The following PKIB variants were observed in gnomAD, a reference collection of about 807,000 sequenced individuals.
PKIB encodes the protein cAMP-dependent protein kinase inhibitor beta, also known as PKI-beta.
A neutral mutation model predicts 4.5 loss-of-function variants in PKIB; 2 were observed. The observed-to-expected ratio is 0.44, with a 90% confidence interval of 0.18 to 1.39. PKIB has a LOEUF of 1.39. PKIB is among the 40% of genes most tolerant of loss of function. PKIB has a pLI of 0.27. For missense variants in PKIB, 94 were observed against 92.6 expected (o/e 1.02, Z -0.06); for synonymous variants, 38 against 36.0 (o/e 1.06, Z -0.20).
At chr6:122,699,114 A>G (rs1032420758) in intron 3 of PKIB, among the ~76,000 whole-genome samples, 2 of 152,162 alleles carry the variant, frequency 1.3e-5, no homozygotes, top group African/African-American at 4.8e-5. Context: ...GACTGTGTGC[A>G]GTAGCAAGGC....
At chr6:122,690,265 T>C (rs1418371675) in intron 3 of PKIB, among the ~76,000 whole-genome samples, 1 of 152,102 alleles carries the variant, frequency 6.6e-6, no homozygotes, top group African/African-American at 2.4e-5. Flanking sequence ...ATGTTACTAT[T>C]GATAGGTAAG....
At chr6:122,687,135 A>G (rs1415996926) in intron 3 of PKIB, among the ~76,000 whole-genome samples, 1 of 152,044 alleles carries the variant, frequency 6.6e-6, no homozygotes, top group East Asian at 1.9e-4. Context: ...TTTTGGTTTG[A>G]TTTTTGTGTA....
At chr6:122,696,466 A>G (rs983504890) in intron 3 of PKIB, among the ~76,000 whole-genome samples, 6 of 152,218 alleles carry the variant, frequency 3.9e-5, no homozygotes, top group African/African-American at 1.4e-4. Flanking sequence ...AAAGAGGACT[A>G]TCCCTCACTT....
chr6:122,558,933 A>G (rs189820510), intron 2 of PKIB, among the ~76,000 whole-genome samples: 13 of 152,204 alleles, frequency 8.5e-5, no homozygotes, highest in Admixed American at 5.9e-4. Context: ...CCCAAAGTCC[A>G]TTGTATCATT....
intron 2 of PKIB, among the ~76,000 whole-genome samples, chr6:122,665,255 C>T (rs536883314): frequency 2.0e-5 from 3 of 152,274 alleles, no homozygotes; most frequent in South Asian, 4.1e-4. Context: ...GAGCAAAATA[C>T]GAAACCTTAA....
At chr6:122,714,304 C>T (rs1779392527) in intron 3 of PKIB, among the ~76,000 whole-genome samples, 1 of 152,176 alleles carries the variant, frequency 6.6e-6, no homozygotes, top group African/African-American at 2.4e-5. Flanking sequence ...AAGATTGTGC[C>T]AAATGTGAGT....
intron 3 of PKIB, among the ~76,000 whole-genome samples, chr6:122,681,372 A>G (rs1582806819): frequency 1.3e-5 from 2 of 152,214 alleles, no homozygotes; most frequent in African/African-American, 4.8e-5. Context: ...TTTATATTTG[A>G]TCATTTGGTA....
intron 2 of PKIB, among the ~76,000 whole-genome samples, chr6:122,498,106 T>C (rs1387242015): frequency 1.3e-5 from 2 of 152,214 alleles, no homozygotes; most frequent in Admixed American, 1.3e-4. Context: ...AACTTGCTCC[T>C]GAATGCTGTA....
At chr6:122,674,875 G>A (rs1383740247) in intron 2 of PKIB, among the ~76,000 whole-genome samples, 2 of 152,066 alleles carry the variant, frequency 1.3e-5, no homozygotes, top group East Asian at 1.9e-4. Flanking sequence ...ACTAATAACT[G>A]TTATTTGAAA....
At chr6:122,644,683 A>T (rs1288759573) in intron 2 of PKIB, 1 of 152,230 alleles carries the variant, frequency 6.6e-6, no homozygotes, top group Non-Finnish European at 1.5e-5. Flanking sequence ...GTCTACAAAC[A>T]GTACTTTGAG....
chr6:122,511,092 C>T (rs1178376180), intron 2 of PKIB, among the ~76,000 whole-genome samples: 2 of 152,182 alleles, frequency 1.3e-5, no homozygotes, highest in African/African-American at 4.8e-5. Context: ...ACTCCTTTCT[C>T]TCCTCCTGTG....
At chr6:122,561,994 G>GTTTTTTTGTTT (rs1773031531) in intron 2 of PKIB, among the ~76,000 whole-genome samples, 1 of 40,904 alleles carries the variant, frequency 2.4e-5, no homozygotes, top group East Asian at 8.7e-4. Context: ...GTTTGTTTTT[G>GTTTTTTTGTTT]TTTTTTTTTG....
Position 122,553,865 on chromosome 6 carries a change from C to T in PKIB, c.-247-32056C>T, listed in dbSNP as rs554474458. On this transcript the variant is annotated intron_variant, in intron 2 of 6. Coordinates refer to the PKIB transcript ENST00000392491. ...ATTTTCACTCCTGTCACCACAAATA[C>T]GACTGCACCACCCTGCTATTTCAAA... Among the ~76,000 whole-genome samples, 39 of 152,250 alleles carry T rather than the reference C, an allele frequency of 2.6e-4. No individual in the cohort carries two copies. The East Asian group carries it at 5.8e-3, about 23-fold the overall frequency.
At chr6:122,695,002 C>T (rs368266684) in intron 3 of PKIB, among the ~76,000 whole-genome samples, 2 of 152,142 alleles carry the variant, frequency 1.3e-5, no homozygotes, top group African/African-American at 4.8e-5. Flanking sequence ...AGGGTTCCTA[C>T]GCTGCATTCT....
intron 2 of PKIB, chr6:122,478,214 T>C (rs1296184032): frequency 1.3e-5 from 2 of 152,184 alleles, no homozygotes; most frequent in Non-Finnish European, 2.9e-5. Context: ...CAGATGAAGC[T>C]TATGAGCCAA....
chr6:122,676,779 A>T (rs2114961285), intron 3 of PKIB, among the ~76,000 whole-genome samples: 1 of 152,342 alleles, frequency 6.6e-6, no homozygotes, highest in East Asian at 1.9e-4. Context: ...TTTAATGAAA[A>T]GGTGCATTAA....
At chr6:122,544,252 C>T (rs969052042) in intron 2 of PKIB, among the ~76,000 whole-genome samples, 1 of 151,846 alleles carries the variant, frequency 6.6e-6, no homozygotes, top group Admixed American at 6.6e-5. Context: ...GATATTAAAG[C>T]ATTCAAACTA....
At chr6:122,710,529 A>G (rs1433880698) in intron 3 of PKIB, among the ~76,000 whole-genome samples, 1 of 152,206 alleles carries the variant, frequency 6.6e-6, no homozygotes, top group Non-Finnish European at 1.5e-5. Flanking sequence ...AAGCAACTAA[A>G]TGAGAAATGG....
At chr6:122,514,789 C>A (rs1776695640) in intron 2 of PKIB, among the ~76,000 whole-genome samples, 1 of 152,078 alleles carries the variant, frequency 6.6e-6, no homozygotes, top group Non-Finnish European at 1.5e-5. Flanking sequence ...GAAGGGAGCC[C>A]CTACAACCCC....
Sources: allele counts gnomAD v4.1 joint callset (sites outside exome capture counted in the v4.1 genomes callset), GRCh38; gene constraint gnomAD v4.1.1; transcripts MANE v1.5; gene names NCBI Gene and HGNC (gene_info 2026-07-23, HGNC 2026-07-21).